Variants in ANKRD53 observed in about 807,000 individuals in gnomAD.
ANKRD53 encodes the protein ankyrin repeat domain 53.
Under a neutral mutation model 30.1 loss-of-function variants are expected in ANKRD53, and 27 were observed. The ratio of observed to expected loss-of-function variants is 0.90; its 90% CI spans 0.66 to 1.24. ANKRD53 has a LOEUF of 1.24. Among genes scored for constraint, ANKRD53 ranks in the 50% most tolerant of loss-of-function variants. The pLI, the probability that ANKRD53 is intolerant of heterozygous loss-of-function variation, is 0.00. For synonymous variants in ANKRD53, 286 were observed against 295.4 expected, an observed-to-expected ratio of 0.97 and a Z score of 0.33; for missense variants, 682 against 721.0, an observed-to-expected ratio of 0.95 and a Z score of 0.62.
At position 70,985,493 on chromosome 2, in the gene ANKRD53, C is replaced by CA. The variant is rs1156660293; in HGVS notation, c.*193_*194insA. The CA allele has an allele frequency of 8.5e-6, 5 of 584,986 alleles. No homozygotes were observed. The highest frequency in any genetic ancestry group is 4.3e-5 in the South Asian group (2 of 47,052). The allele number at this position is 584,986 out of a possible 1,614,324, so 36.2% of individuals were successfully genotyped here. ...TCTCTGCAAATAAATCTCTTGGCAC[C>CA]CCCCCACCGCCGCCAGGAAATCCAA... On this transcript the variant is annotated 3_prime_UTR_variant, in exon 6 of 6. Transcript: ENST00000360589.
In ANKRD53 at chr2:70,985,214, C is replaced by T. The variant is rs1246402976; in HGVS notation, c.1507C>T (p.Arg503Cys). 8 of 1,551,490 alleles carry T rather than the reference C, an allele frequency of 5.2e-6. No homozygotes were observed. The highest frequency in any genetic ancestry group is 1.2e-5 in the South Asian group (1 of 84,056). The change falls in exon 6 of 6, where the codon CGT becomes TGT. Residue 503 changes from arginine to cysteine, a missense_variant. Physicochemically the swap from Arg to Cys is radical, Grantham distance 180 (BLOSUM62 -3). Coordinates refer to ENST00000360589, the MANE Select transcript of ANKRD53 (RefSeq NM_001115116.2). ...FWTDTLAMNL[R>C]DTFDEAFLAA... is the part of the protein sequence containing the mutation. ...GACCGACACTCTGGCCATGAACCTG[C>T]GTGACACATTCGATGAAGCCTTCCT...
Position 70,979,779 on chromosome 2 carries a change from A to G in ANKRD53, c.536A>G (p.His179Arg). The G allele has an allele frequency of 6.2e-7, 1 of 1,614,174 alleles. No homozygotes were observed. The highest frequency in any genetic ancestry group is 8.5e-7 in the Non-Finnish European group (1 of 1,180,022). Residue 179 changes from histidine to arginine, a missense_variant, in exon 3 of 6, where the codon CAC becomes CGC. Physicochemically the swap from His to Arg is conservative, Grantham distance 29. Coordinates refer to ENST00000360589, the MANE Select transcript of ANKRD53 (RefSeq NM_001115116.2). ...LLTNNSQTPL[H>R]LVIHRDNTTV... ...ACCAACAATAGCCAGACACCCCTGC[A>G]CCTCGTCATCCACAGGGACAACACC...
At position 70,982,231 on chromosome 2, in the gene ANKRD53, C is replaced by A; in HGVS notation, c.782+131C>A. ...GCCAGACAGCTGGAGGATGCGCCTACTGCCCAGGATATTTTGGATGAGGCA... is the reference window on the plus strand; with the variant it reads ...GCCAGACAGCTGGAGGATGCGCCTAATGCCCAGGATATTTTGGATGAGGCA... On this transcript the variant is annotated intron_variant, in intron 4 of 5. Transcript: ENST00000360589. The surrounding 1 kb of genome is among the most constrained non-coding windows in gnomAD (Gnocchi z 4.2). The A allele has an allele frequency of 1.8e-6, 2 of 1,131,994 alleles. No individual in the cohort carries two copies. Among genetic ancestry groups the A allele is most frequent in the Non-Finnish European group, 2.4e-6 (2 of 817,342 alleles). The allele number at this position is 1,131,994 out of a possible 1,614,324, so 70.1% of individuals were successfully genotyped here.
chr2:70,984,812 G>C lies in ANKRD53; in HGVS notation c.1105G>C (p.Glu369Gln), dbSNP rs1553424405. The change falls in exon 6 of 6, where the codon GAG (glutamate) becomes CAG (glutamine). Residue 369 changes from glutamate (E) to glutamine (Q), a missense_variant. Physicochemically the swap from Glu to Gln is conservative, Grantham distance 29 (BLOSUM62 2). Coordinates refer to ENST00000360589, the MANE Select transcript of ANKRD53 (RefSeq NM_001115116.2). ...ARLQCIPQPT[E>Q]MPKPIYRKPT... ...CCTGCAATGCATTCCACAGCCCACG[G>C]AGATGCCCAAGCCCATCTACAGGAA... is the stretch of plus-strand genomic sequence containing the variant. 1.3e-6 allele frequency: 2 copies of C among 1,553,366 alleles called. No individual in the cohort carries two copies. The highest frequency in any genetic ancestry group is 2.7e-5 in the African/African-American group (2 of 72,830).
Position 70,982,433 on chromosome 2 carries a change from G to A in ANKRD53, c.783-144G>A. On this transcript the variant is annotated intron_variant, in intron 4 of 5. Coordinates refer to ENST00000360589, the MANE Select transcript of ANKRD53 (RefSeq NM_001115116.2). The surrounding 1 kb of genome is among the most constrained non-coding windows in gnomAD (Gnocchi z 4.2). Reference sequence around the variant, plus strand: ...GAAGTAGGGAGCCAGAGGGCCCCGGGCAATGGGGATGGCTCATCTTGCTCC... The same window carrying A: ...GAAGTAGGGAGCCAGAGGGCCCCGGACAATGGGGATGGCTCATCTTGCTCC... 1.7e-6 allele frequency: 2 copies of A among 1,181,188 alleles called. No individual in the cohort carries two copies. The highest frequency in any genetic ancestry group is 1.5e-5 in the South Asian group (1 of 64,898). The allele number at this position is 1,181,188 out of a possible 1,614,324, so 73.2% of individuals were successfully genotyped here.
intron 5 of ANKRD53, chr2:70,984,058 G>A: frequency 6.7e-7 from 1 of 1,498,402 alleles, no homozygotes; most frequent in Non-Finnish European, 9.3e-7. Context: ...ACTTCTCAAG[G>A]CCCACCACTT....
chr2:70,985,186 C>T lies in ANKRD53; in HGVS notation c.1479C>T (p.Phe493=). 6.4e-7 allele frequency: 1 copy of T among 1,551,354 alleles called. No homozygotes were observed. The highest frequency in any genetic ancestry group is 8.7e-7 in the Non-Finnish European group (1 of 1,146,930). ...PRKRHLGDNT[F]WTDTLAMNLR... ...AGCGGCACCTGGGTGACAACACCTTCTGGACCGACACTCTGGCCATGAACC... is the reference window on the plus strand; with the variant it reads ...AGCGGCACCTGGGTGACAACACCTTTTGGACCGACACTCTGGCCATGAACC... The change falls in exon 6 of 6, where the codon TTC becomes TTT. Residue 493 remains phenylalanine, a synonymous_variant. Coordinates refer to ENST00000360589, the MANE Select transcript of ANKRD53 (RefSeq NM_001115116.2).
In ANKRD53 at chr2:70,982,027, G is replaced by A. The variant is rs782133546; in HGVS notation, c.709G>A (p.Val237Ile). ...VKVLVQSGAN[V>I]HAQDAMGYKP... ...GGTCCTGGTGCAGAGTGGCGCCAAC[G>A]TCCATGCCCAAGATGCCATGGGCTA... Residue 237 changes from valine (V) to isoleucine (I), a missense_variant, in exon 4 of 6, where the codon GTC (valine) becomes ATC (isoleucine). Val to Ile is a conservative substitution (Grantham distance 29). Coordinates refer to ENST00000360589, the MANE Select transcript of ANKRD53 (RefSeq NM_001115116.2). This position sits in a 1 kb window ranked among gnomAD's most constrained non-coding sequence, Gnocchi z 4.2. 5.0e-6 allele frequency: 8 copies of A among 1,613,578 alleles called. No individual in the cohort carries two copies. Among genetic ancestry groups the A allele is most frequent in the African/African-American group, 1.3e-5 (1 of 74,890 alleles).
In ANKRD53 at chr2:70,978,777, G is replaced by A; in HGVS notation, c.132G>A (p.Leu44=). ...TGCAGCAGGCGAACAAAGTCTCCTTGAAGGCCACCTGGACTGACGCGGAGT... is the reference window on the plus strand; with the variant it reads ...TGCAGCAGGCGAACAAAGTCTCCTTAAAGGCCACCTGGACTGACGCGGAGT... ...GSMQQANKVS[L]KATWTDAESK... is the part of the protein sequence containing the mutation. The change falls in exon 1 of 6, where the codon TTG becomes TTA. Residue 44 remains leucine, a synonymous_variant. Transcript: ENST00000360589. This position sits in a 1 kb window ranked among gnomAD's most constrained non-coding sequence, Gnocchi z 4.3. 6.4e-7 allele frequency: 1 copy of A among 1,572,422 alleles called. No homozygotes were observed. The highest frequency in any genetic ancestry group is 8.6e-7 in the Non-Finnish European group (1 of 1,159,792).
intron 3 of ANKRD53, among the ~76,000 whole-genome samples, chr2:70,981,357 G>A (rs782488520): frequency 2.6e-5 from 4 of 152,074 alleles, no homozygotes; most frequent in Non-Finnish European, 4.4e-5. Flanking sequence ...AAAAATAAAC[G>A]GGGTGATGGT....
At chr2:70,978,545 C>A, upstream of ANKRD53, 1 of 1,344,530 alleles carries the variant, frequency 7.4e-7, no homozygotes, top group Non-Finnish European at 9.6e-7. The surrounding 1 kb of genome is among the most constrained non-coding windows in gnomAD (Gnocchi z 4.3). Flanking sequence ...TGGAAGGGGC[C>A]GGGAAACCGC....
intron 5 of ANKRD53, chr2:70,984,239 A>C: frequency 1.9e-6 from 3 of 1,614,116 alleles, no homozygotes; most frequent in Non-Finnish European, 2.5e-6. Context: ...GAAGAAGGGA[A>C]TTGTCTTTCT....
intron 1 of ANKRD53, 91 bp from the exon 2 acceptor site, chr2:70,979,006 C>T (rs1669912474): frequency 4.1e-6 from 6 of 1,466,904 alleles, no homozygotes; most frequent in Non-Finnish European, 2.7e-6. Flanking sequence ...CCCACTGCCC[C>T]GCCCACCAGC....
intron 1 of ANKRD53, 35 bp from the exon 2 acceptor site, chr2:70,979,062 G>C: frequency 6.5e-7 from 1 of 1,539,838 alleles, no homozygotes; most frequent in Non-Finnish European, 8.7e-7. Flanking sequence ...CCGGGCCGTG[G>C]CCCAGAGTCG....
At chr2:70,979,624 C>A in intron 2 of ANKRD53, 37 bp from the exon 3 acceptor site, 1 of 1,593,980 alleles carries the variant, frequency 6.3e-7, no homozygotes, top group Non-Finnish European at 8.6e-7. Flanking sequence ...GACCTCAGTC[C>A]CACTCAGCCT....
intron 3 of ANKRD53, 100 bp downstream of exon 3, chr2:70,979,960 C>A: frequency 7.3e-7 from 1 of 1,378,614 alleles, no homozygotes; most frequent in Non-Finnish European, 1.0e-6. Context: ...AGAGGGGTTG[C>A]TGGAGGTGAC....
intron 5 of ANKRD53, 116 bp from the exon 6 acceptor site, chr2:70,984,493 CAG>C (rs1670110489): frequency 1.3e-6 from 2 of 1,530,790 alleles, no homozygotes; most frequent in Middle Eastern, 2.3e-4. Context: ...CCATCAGACT[CAG>C]AGTTTCCCTC....
At position 70,978,834 on chromosome 2, in the gene ANKRD53, T is replaced by G; in HGVS notation, c.170+19T>G. 6.5e-7 allele frequency: 1 copy of G among 1,550,042 alleles called. No homozygotes were observed. ...AGCCCAGGTGGGTAGCGGGAGAAGG[T>G]GTCCCGGCTGCAGGGAGCGAGAACC... On this transcript the variant is annotated intron_variant, in intron 1 of 5. Transcript: ENST00000360589. This position sits in a 1 kb window ranked among gnomAD's most constrained non-coding sequence, Gnocchi z 4.3.
chr2:70,981,962 T>C lies in ANKRD53; in HGVS notation c.644T>C (p.Leu215Pro). The change falls in exon 4 of 6, where the codon CTG becomes CCG. Residue 215 changes from leucine to proline, a missense_variant. Leu to Pro is a moderately conservative substitution (Grantham distance 98). Transcript: ENST00000360589. ...CAGACATGCAACGGCTCCACGCCCC[T>C]GCACCTGGCAGCCCGTGACGGCTTG... Reference protein sequence around the residue: ...NAQTCNGSTPLHLAARDGLLD... With the variant: ...NAQTCNGSTPPHLAARDGLLD... 1 of 1,607,422 alleles carries C rather than the reference T, an allele frequency of 6.2e-7. No individual in the cohort carries two copies. Among genetic ancestry groups the C allele is most frequent in the Middle Eastern group, 1.7e-4 (1 of 6,038 alleles).
Sources: gnomAD v4.1 joint callset for allele counts (sites outside exome capture counted in the v4.1 genomes callset) on GRCh38, gnomAD v4.1.1 for gene constraint, Gnocchi (gnomAD v3.1) non-coding constraint, MANE v1.5 for transcripts, NCBI Gene and HGNC (gene_info 2026-07-23, HGNC 2026-07-21) for gene names.